The following ABCA8 variants were observed in gnomAD, a reference collection of about 807,000 sequenced individuals.
ABCA8 encodes the protein ATP binding cassette subfamily A member 8, also known as ABC-type organic anion transporter ABCA8.
Under a neutral mutation model 192.3 loss-of-function variants are expected in ABCA8, and 177 were observed. The ratio of observed to expected loss-of-function variants is 0.92; its 90% CI spans 0.81 to 1.04. ABCA8 has a LOEUF of 1.04. Ranked by LOEUF, ABCA8 falls within the 50% of genes least tolerant of loss-of-function variation. ABCA8 has a pLI of 0.00. For missense variants in ABCA8, 1,915 were observed against 1,904.8 expected, an observed-to-expected ratio of 1.01 and a Z score of -0.10; for synonymous variants, 642 against 690.2, an observed-to-expected ratio of 0.93 and a Z score of 1.09.
intron 24 of ABCA8, among the ~76,000 whole-genome samples, 175 bp from the exon 25 acceptor site, chr17:68,887,681 TG>T (rs1196002329): frequency 6.6e-6 from 1 of 151,852 alleles, no homozygotes; most frequent in Non-Finnish European, 1.5e-5. Flanking sequence ...GCTGCTTTAA[TG>T]AACTACATTG....
rs545075254 is a variant in ABCA8 at position 68,867,424 on chromosome 17, A to G, written c.*661T>C. On this transcript the variant is annotated 3_prime_UTR_variant, in exon 40 of 40. Transcript: ENST00000586539. ...GATCATTTACAATGTAGACATCACT[A>G]AAGTCTAGATTTAAAAGTCCAGTGA... 8 of 152,322 alleles carry G rather than the reference A, an allele frequency of 5.3e-5. No individual in the cohort carries two copies. The South Asian group carries it at 1.0e-3, about 20-fold the overall frequency. The allele number at this position is 152,322 out of a possible 1,614,324, so 9.4% of individuals were successfully genotyped here.
chr17:68,932,241 T>C (rs1567873863), intron 7 of ABCA8, 47 bp downstream of exon 7: 2 of 1,448,660 alleles, frequency 1.4e-6, no homozygotes, highest in East Asian at 4.7e-5. Context: ...AGATTCCCAG[T>C]TTTCCTGAGT....
At chr17:68,921,517 G>C (rs2067533363) in intron 12 of ABCA8, 25 bp from the exon 13 acceptor site, 1 of 1,479,160 alleles carries the variant, frequency 6.8e-7, no homozygotes, top group Middle Eastern at 1.7e-4. Context: ...AGAAAGGAAA[G>C]AAAGATAAGA....
chr17:68,933,232 A>T lies in ABCA8; in HGVS notation c.506T>A (p.Val169Asp). ...AAAACCTTCCTTCCAAAATACTGAA[A>T]CTTCACAGTAAACATCTTCATTTGT... ...YETNEDVYCE[V>D]SVFWKEGFVA... The change falls in exon 6 of 40, where the codon GTT becomes GAT. Residue 169 changes from valine (V) to aspartate (D), a missense_variant. By Grantham distance (152) the Val-to-Asp change is radical. Transcript: ENST00000586539. 1 of 1,613,138 alleles carries T rather than the reference A, an allele frequency of 6.2e-7. No individual in the cohort carries two copies. The highest frequency in any genetic ancestry group is 8.5e-7 in the Non-Finnish European group (1 of 1,179,530).
chr17:68,936,183 TAA>T (rs761898715), intron 5 of ABCA8, among the ~76,000 whole-genome samples: 8 of 152,122 alleles, frequency 5.3e-5, no homozygotes, highest in Non-Finnish European at 8.8e-5. Flanking sequence ...TTAGTTTAAT[TAA>T]GTCTCGTTTT....
intron 4 of ABCA8, among the ~76,000 whole-genome samples, chr17:68,940,466 C>A (rs577958525): frequency 6.0e-4 from 92 of 152,156 alleles, no homozygotes; most frequent in South Asian, 1.7e-3. Context: ...AAATGTGCAC[C>A]AGTCTGTATA....
At chr17:68,922,897 A>T (rs1425483480) in intron 11 of ABCA8, among the ~76,000 whole-genome samples, 1 of 152,074 alleles carries the variant, frequency 6.6e-6, no homozygotes, top group East Asian at 1.9e-4. Context: ...CAACCTGAAA[A>T]TTTTTGCAGG....
At position 68,917,373 on chromosome 17, in the gene ABCA8, C is replaced by G; in HGVS notation, c.2126G>C (p.Gly709Ala). 1 of 1,610,122 alleles carries G rather than the reference C, an allele frequency of 6.2e-7. No homozygotes were observed. The highest frequency in any genetic ancestry group is 8.5e-7 in the Non-Finnish European group (1 of 1,177,502). ...SLFLKKKWGI[G>A]YHLSLQLNEI... is the part of the protein sequence containing the mutation. ...TAAGTGACCTTACCTTAAGTGATATCCAATCCCCCATTTCTTCTTTAGAAA... is the reference window on the plus strand; with the variant it reads ...TAAGTGACCTTACCTTAAGTGATATGCAATCCCCCATTTCTTCTTTAGAAA... The change falls in exon 17 of 40, where the codon GGA (glycine) becomes GCA (alanine). Residue 709 changes from glycine to alanine, a missense_variant. Coordinates refer to ENST00000586539, the MANE Select transcript of ABCA8 (RefSeq NM_001288985.2).
Position 68,896,938 on chromosome 17 carries a change from T to G in ABCA8, c.2765-1925A>C, listed in dbSNP as rs146609052. On this transcript the variant is annotated intron_variant, in intron 21 of 39. Transcript: ENST00000586539. ...TAGAAGTTATAGCCATAGTGCATGATAAGTGCTTAGTTAAGATGGAAAAGG... is the reference window on the plus strand; with the variant it reads ...TAGAAGTTATAGCCATAGTGCATGAGAAGTGCTTAGTTAAGATGGAAAAGG... Among the ~76,000 whole-genome samples the G allele has an allele frequency of 1.8e-4, 27 of 152,334 alleles. 1 individual carries two copies. Among genetic ancestry groups the G allele is most frequent in the African/African-American group, 5.8e-4 (24 of 41,584 alleles).
At chr17:68,878,786 A>AG (rs1434517344) in intron 32 of ABCA8, 2 of 152,248 alleles carry the variant, frequency 1.3e-5, no homozygotes, top group Non-Finnish European at 2.9e-5. Context: ...ACCAGCAGAG[A>AG]GGTACCTTCA....
Position 68,881,185 on chromosome 17 carries a change from T to C in ABCA8, c.3973A>G (p.Asn1325Asp), listed in dbSNP as rs754035029. 2 of 1,613,872 alleles carry C rather than the reference T, an allele frequency of 1.2e-6. No homozygotes were observed. Among genetic ancestry groups the C allele is most frequent in the South Asian group, 2.2e-5 (2 of 91,074 alleles). The change falls in exon 32 of 40, where the codon AAT becomes GAT. Residue 1325 changes from asparagine to aspartate, a missense_variant. Transcript: ENST00000586539. Reference sequence around the variant, plus strand: ...ATGGATGTGCTTTTACCAGCTCCATTGTGTCCTAATAATCCTAAAACTTCA... The same window carrying C: ...ATGGATGTGCTTTTACCAGCTCCATCGTGTCCTAATAATCCTAAAACTTCA... Reference protein sequence around the residue: ...KGEVLGLLGHNGAGKSTSIKV... With the variant: ...KGEVLGLLGHDGAGKSTSIKV...
In ABCA8 at chr17:68,868,049, A is replaced by G. The variant is rs766712847; in HGVS notation, c.*36T>C. On this transcript the variant is annotated 3_prime_UTR_variant, in exon 40 of 40. Transcript: ENST00000586539. ...ATAAAAATAAATGTATTTAAAAAAAACCACGGGTTTAAACAGGAACACAGA... is the reference window on the plus strand; with the variant it reads ...ATAAAAATAAATGTATTTAAAAAAAGCCACGGGTTTAAACAGGAACACAGA... The G allele has an allele frequency of 1.4e-6, 2 of 1,473,134 alleles. No individual in the cohort carries two copies. Among genetic ancestry groups the G allele is most frequent in the Admixed American group, 2.2e-5 (1 of 46,144 alleles). The allele number at this position is 1,473,134 out of a possible 1,614,324, so 91.3% of individuals were successfully genotyped here.
chr17:68,896,552 C>A (rs901705723), intron 21 of ABCA8, among the ~76,000 whole-genome samples: 1 of 152,148 alleles, frequency 6.6e-6, no homozygotes, highest in Non-Finnish European at 1.5e-5. Flanking sequence ...GGATGTGAAT[C>A]AGCCCCTTGT....
chr17:68,901,086 T>C (rs1391643081), intron 21 of ABCA8, among the ~76,000 whole-genome samples: 1 of 152,216 alleles, frequency 6.6e-6, no homozygotes, highest in Non-Finnish European at 1.5e-5. Context: ...GTTATTTTGT[T>C]CAATCTCAGT....
Position 68,929,561 on chromosome 17 carries a change from C to T in ABCA8, c.939G>A (p.Leu313=), listed in dbSNP as rs1435322595. 4.3e-6 allele frequency: 7 copies of T among 1,609,292 alleles called. No individual in the cohort carries two copies. The highest frequency in any genetic ancestry group is 5.9e-6 in the Non-Finnish European group (7 of 1,178,364). The stretch of plus-strand genomic sequence containing the variant: ...AAAGATATTTAATTCACTAACTCAC[C>T]AAAGATAATCCATACAGGAGAAAGA... ...FSLFLLYGLS[L]VALAFLMSIL... The change falls in exon 8 of 40, where the codon TTG becomes TTA. Residue 313 remains leucine, a splice_region_variant and synonymous_variant. Transcript: ENST00000586539.
chr17:68,950,486 A>G (rs1445287143), intron 1 of ABCA8, among the ~76,000 whole-genome samples: 2 of 152,134 alleles, frequency 1.3e-5, no homozygotes, highest in Non-Finnish European at 2.9e-5. Context: ...ATAACTAAAA[A>G]TACTTTTGAA....
chr17:68,902,644 A>G (rs531129222), intron 21 of ABCA8, 69 bp downstream of exon 21: 335 of 1,282,722 alleles, frequency 2.6e-4, no homozygotes, highest in Non-Finnish European at 3.4e-4. Flanking sequence ...TTTCTTTCTC[A>G]TGGTTATGTT....
chr17:68,893,132 A>G lies in ABCA8; in HGVS notation c.3036+1041T>C, dbSNP rs560518725. Among the ~76,000 whole-genome samples the G allele has an allele frequency of 2.5e-4, 38 of 152,340 alleles. No homozygotes were observed. In the South Asian group the frequency reaches 5.2e-3, roughly 21 times the overall value. On this transcript the variant is annotated intron_variant, in intron 23 of 39. Transcript: ENST00000586539. ...GAGATGTAGATAAGTTGATGAGCCT[A>G]ACACTCACTTATGTATTTAACAATT...
intron 19 of ABCA8, among the ~76,000 whole-genome samples, chr17:68,904,502 A>G (rs753114002): frequency 1.3e-5 from 2 of 152,060 alleles, no homozygotes; most frequent in East Asian, 1.9e-4. Context: ...GGGGGAGAAG[A>G]TTCCTGTGGA....
Sources: allele counts gnomAD v4.1 joint callset (sites outside exome capture counted in the v4.1 genomes callset), GRCh38; gene constraint gnomAD v4.1.1; transcripts MANE v1.5; gene names NCBI Gene and HGNC (gene_info 2026-07-23, HGNC 2026-07-21).